Variants in RARB observed in about 807,000 individuals in gnomAD.
RARB encodes the protein HBV-activated protein.
A neutral mutation model predicts 51.9 loss-of-function variants in RARB; 17 were observed. That is an observed-to-expected ratio of 0.33 (90% CI 0.22 to 0.49). The LOEUF (loss-of-function observed/expected upper bound fraction) is 0.49. Among genes scored for constraint, RARB ranks in the 20% least tolerant of loss-of-function variants. The pLI is 0.99. For synonymous variants in RARB, 215 were observed against 195.4 expected (o/e 1.10, Z -0.84); for missense variants, 369 against 550.8 (o/e 0.67, Z 3.30).
At chr3:25,061,379 T>C (rs987425886) in intron 3 of RARB, among the ~76,000 whole-genome samples, 1 of 151,916 alleles carries the variant, frequency 6.6e-6, no homozygotes, top group Non-Finnish European at 1.5e-5. Flanking sequence ...ATCATATTTT[T>C]ATTTAATCTT....
At chr3:25,330,743 A>G (rs1704867073) in intron 5 of RARB, among the ~76,000 whole-genome samples, 1 of 152,222 alleles carries the variant, frequency 6.6e-6, no homozygotes, top group African/African-American at 2.4e-5. Flanking sequence ...GTCAAGACCC[A>G]TCAGTGTGCT....
chr3:25,119,686 A>G (rs1370239297), intron 3 of RARB, among the ~76,000 whole-genome samples: 1 of 151,900 alleles, frequency 6.6e-6, no homozygotes, highest in East Asian at 1.9e-4. Context: ...CAAAAAAAAC[A>G]CTGCTCTTGT....
chr3:25,086,811 G>A (rs949920060), intron 3 of RARB, among the ~76,000 whole-genome samples: 2 of 152,074 alleles, frequency 1.3e-5, no homozygotes, highest in Admixed American at 6.6e-5. Context: ...GAGTATCTGG[G>A]TTAAGATAAG....
intron 5 of RARB, among the ~76,000 whole-genome samples, chr3:25,271,457 T>A (rs1183046723): frequency 1.3e-5 from 2 of 152,250 alleles, no homozygotes; most frequent in Non-Finnish European, 2.9e-5. Flanking sequence ...TTAGTCACGT[T>A]CCTTGGCCAA....
chr3:25,050,097 G>A (rs1246660294), intron 2 of RARB, among the ~76,000 whole-genome samples: 4 of 152,176 alleles, frequency 2.6e-5, no homozygotes, highest in African/African-American at 9.7e-5. Context: ...TTTTGGAAAC[G>A]TGGAAAAGCA....
At chr3:24,908,946 A>G (rs1694931375) in intron 2 of RARB, among the ~76,000 whole-genome samples, 1 of 151,908 alleles carries the variant, frequency 6.6e-6, no homozygotes, top group Admixed American at 6.6e-5. Flanking sequence ...ACGGAATCCT[A>G]TTTTTTCCAT....
At chr3:25,074,708 A>G (rs78027890) in intron 3 of RARB, among the ~76,000 whole-genome samples, 2,408 of 152,276 alleles carry the variant, frequency 0.016, 55 homozygotes, top group African/African-American at 0.051. Context: ...ATGCTGCACT[A>G]TCACACTGTA....
chr3:25,420,254 A>G (rs76447789), intron 5 of RARB, among the ~76,000 whole-genome samples: 2,438 of 152,284 alleles, frequency 0.016, 35 homozygotes, highest in African/African-American at 0.036. Flanking sequence ...AGACACTAGG[A>G]TGAATTTAAA....
chr3:25,438,396 C>T (rs1036077113), intron 1 of RARB, among the ~76,000 whole-genome samples: 1 of 152,084 alleles, frequency 6.6e-6, no homozygotes, highest in Non-Finnish European at 1.5e-5. Flanking sequence ...ACAATCGTAG[C>T]GTATATGCAC....
chr3:25,519,019 C>G (rs765896730), intron 3 of RARB, among the ~76,000 whole-genome samples: 9 of 152,158 alleles, frequency 5.9e-5, no homozygotes, highest in Non-Finnish European at 1.0e-4. Flanking sequence ...TTGAACTTCA[C>G]CTACACAGAG....
chr3:24,952,181 C>T (rs544300645), intron 2 of RARB, among the ~76,000 whole-genome samples: 10 of 152,124 alleles, frequency 6.6e-5, no homozygotes, highest in Non-Finnish European at 1.5e-5. Context: ...CAAGGCCAGT[C>T]TGGGTAACAT....
chr3:24,992,060 A>T (rs985862436), intron 2 of RARB, among the ~76,000 whole-genome samples: 3 of 152,100 alleles, frequency 2.0e-5, no homozygotes, highest in Non-Finnish European at 4.4e-5. Context: ...GGGCCCTTGC[A>T]ACTCCAGCAG....
chr3:25,467,471 G>A (rs1695489100), intron 2 of RARB, among the ~76,000 whole-genome samples: 1 of 144,324 alleles, frequency 6.9e-6, no homozygotes, highest in Non-Finnish European at 1.5e-5. Flanking sequence ...CGTGGTGGAT[G>A]GGTTCCCATC....
At chr3:25,219,244 A>G (rs73149207) in intron 5 of RARB, among the ~76,000 whole-genome samples, 1,791 of 140,588 alleles carry the variant, frequency 0.013, 33 homozygotes, top group African/African-American at 0.043. Flanking sequence ...AAGGAAATTG[A>G]TAAAGGAATT....
At chr3:25,220,557 C>T (rs574863767) in intron 5 of RARB, among the ~76,000 whole-genome samples, 8 of 152,234 alleles carry the variant, frequency 5.3e-5, no homozygotes, top group East Asian at 3.9e-4. Flanking sequence ...GGGCAGTTTC[C>T]GCCCTGCTGT....
chr3:25,209,681 C>T (rs2125377137), intron 5 of RARB, among the ~76,000 whole-genome samples: 1 of 152,268 alleles, frequency 6.6e-6, no homozygotes, highest in African/African-American at 2.4e-5. Flanking sequence ...TTTTATGTCT[C>T]TCCTCCATCC....
chr3:25,446,416 G>A (rs1708933121), intron 1 of RARB, among the ~76,000 whole-genome samples: 1 of 152,252 alleles, frequency 6.6e-6, no homozygotes, highest in South Asian at 2.1e-4. Flanking sequence ...ATGGGGGGCA[G>A]AGTTGAATGA....
intron 5 of RARB, among the ~76,000 whole-genome samples, chr3:25,383,076 C>A (rs1231492048): frequency 6.6e-6 from 1 of 152,176 alleles, no homozygotes; most frequent in African/African-American, 2.4e-5. Context: ...GCTATTGATG[C>A]ATCTACTATG....
chr3:25,443,809 T>C (rs1417537892), intron 1 of RARB, among the ~76,000 whole-genome samples: 1 of 151,148 alleles, frequency 6.6e-6, no homozygotes, highest in Admixed American at 6.6e-5. Flanking sequence ...TGGGTGCCTG[T>C]AATCCCAGCT....
Sources: allele counts gnomAD v4.1 joint callset (sites outside exome capture counted in the v4.1 genomes callset), GRCh38; gene constraint gnomAD v4.1.1; transcripts MANE v1.5; gene names NCBI Gene and HGNC (gene_info 2026-07-23, HGNC 2026-07-21).